The following EVL variants were observed in gnomAD, a reference collection of about 807,000 sequenced individuals.
EVL encodes ena/VASP-like protein.
Under a neutral mutation model 59.6 loss-of-function variants are expected in EVL, and 21 were observed. The ratio of observed to expected loss-of-function variants is 0.35; its 90% CI spans 0.25 to 0.51. EVL has a LOEUF of 0.51. Among genes scored for constraint, EVL ranks in the 20% least tolerant of loss-of-function variants. The probability of loss-of-function intolerance (pLI) is 0.97; values close to 1 mark genes in which losing one functional copy is unlikely to be tolerated. For synonymous variants in EVL, 198 were observed against 203.5 expected (o/e 0.97, Z 0.23); for missense variants, 462 against 546.6 (o/e 0.85, Z 1.54).
intron 1 of EVL, among the ~76,000 whole-genome samples, chr14:100,055,894 C>T (rs541498796): frequency 1.3e-5 from 2 of 152,274 alleles, no homozygotes; most frequent in African/African-American, 4.8e-5. Context: ...TCACCACAAC[C>T]TCTGCCTCCT....
chr14:100,017,988 G>A (rs908184260), intron 1 of EVL, among the ~76,000 whole-genome samples: 2 of 152,232 alleles, frequency 1.3e-5, no homozygotes, highest in Non-Finnish European at 2.9e-5. Context: ...TGCATGTACT[G>A]GATCACTCTT....
intron 1 of EVL, among the ~76,000 whole-genome samples, chr14:100,047,549 G>C (rs1400388959): frequency 6.6e-6 from 1 of 152,178 alleles, no homozygotes; most frequent in Non-Finnish European, 1.5e-5. Flanking sequence ...CCAGTTGTCA[G>C]ATGTTATGAT....
At chr14:100,128,835 C>T (rs536656592) in intron 6 of EVL, 87 bp downstream of exon 6, 15 of 1,183,872 alleles carry the variant, frequency 1.3e-5, no homozygotes, top group East Asian at 2.4e-5. Context: ...CCCGCATCTG[C>T]GAGACACAGC....
At chr14:100,128,984 T>C (rs1328083320) in intron 6 of EVL, among the ~76,000 whole-genome samples, 3 of 152,134 alleles carry the variant, frequency 2.0e-5, no homozygotes, top group Non-Finnish European at 4.4e-5. Flanking sequence ...AAGAACTATG[T>C]CCCCCTTTAG....
At chr14:100,094,395 C>T (rs907202834) in intron 2 of EVL, among the ~76,000 whole-genome samples, 6 of 152,090 alleles carry the variant, frequency 3.9e-5, no homozygotes, top group African/African-American at 1.4e-4. Flanking sequence ...AAGAAAAATT[C>T]TCACTCATCT....
intron 3 of EVL, among the ~76,000 whole-genome samples, chr14:100,115,611 C>T (rs1887291282): frequency 6.6e-6 from 1 of 152,216 alleles, no homozygotes; most frequent in South Asian, 2.1e-4. Flanking sequence ...CTATTGGTCA[C>T]CATGGAGCTG....
At chr14:99,979,041 A>C (rs978922245) in intron 1 of EVL, among the ~76,000 whole-genome samples, 1 of 151,806 alleles carries the variant, frequency 6.6e-6, no homozygotes, top group Non-Finnish European at 1.5e-5. Flanking sequence ...TTTCTAACAG[A>C]CTCTATGTAT....
chr14:100,054,049 C>CTTTTTTTTTTTTTTTTTT (rs11302582), intron 1 of EVL, among the ~76,000 whole-genome samples: 3 of 61,256 alleles, frequency 4.9e-5, no homozygotes, highest in African/African-American at 1.3e-4. Flanking sequence ...TATTTTTGGA[C>CTTTTTTTTTTTTTTTTTT]TTTTTTTTTT....
At chr14:100,002,680 AT>A (rs1467972399) in intron 1 of EVL, among the ~76,000 whole-genome samples, 1 of 152,238 alleles carries the variant, frequency 6.6e-6, no homozygotes, top group African/African-American at 2.4e-5. Flanking sequence ...AAAAGACATA[AT>A]TTATAACTTG....
chr14:100,008,085 G>T (rs901751429), intron 1 of EVL, among the ~76,000 whole-genome samples: 3 of 152,192 alleles, frequency 2.0e-5, no homozygotes. Context: ...ATCATCCCCA[G>T]TTGAGAACTG....
In EVL at chr14:100,116,999, A is replaced by G. The variant is rs796099370; in HGVS notation, c.359-6540A>G. On this transcript the variant is annotated intron_variant, in intron 3 of 13. Coordinates refer to ENST00000392920, the MANE Select transcript of EVL (RefSeq NM_016337.3). The stretch of plus-strand genomic sequence containing the variant: ...ACAATCCAGAACCGTCCAGGAGAGC[A>G]CAGCCAAGGCGGAAAGGGACTGGAA... 1.8e-4 allele frequency among the ~76,000 whole-genome samples: 28 copies of G among 152,320 alleles called. 1 individual carries two copies. Among genetic ancestry groups the G allele is most frequent in the African/African-American group, 5.8e-4 (24 of 41,572 alleles).
chr14:100,141,268 C>T (rs946722295), intron 12 of EVL, 22 bp downstream of exon 12: 2 of 1,612,498 alleles, frequency 1.2e-6, no homozygotes, highest in African/African-American at 2.7e-5. Flanking sequence ...CTGTGCCCTT[C>T]CCTCAAGAGG....
At chr14:100,045,880 A>G (rs993884430) in intron 1 of EVL, among the ~76,000 whole-genome samples, 6 of 152,176 alleles carry the variant, frequency 3.9e-5, no homozygotes, top group Non-Finnish European at 5.9e-5. Context: ...TGATGATTGT[A>G]AGTAGTCTTG....
intron 4 of EVL, among the ~76,000 whole-genome samples, chr14:100,126,351 C>A (rs905028716): frequency 6.6e-6 from 1 of 152,220 alleles, no homozygotes; most frequent in Non-Finnish European, 1.5e-5. Context: ...TAAGAACAGG[C>A]GTTCCTGAGG....
intron 1 of EVL, among the ~76,000 whole-genome samples, chr14:100,055,650 A>G (rs1595104363): frequency 1.3e-5 from 2 of 152,222 alleles, no homozygotes; most frequent in African/African-American, 4.8e-5. Context: ...GCTGAGGTGT[A>G]GAAGTCTGGT....
rs541316669 is a variant in EVL, at chr14:100,127,166, G to C, written c.487+395G>C. Among the ~76,000 whole-genome samples, 1 of 152,220 alleles carries C rather than the reference G, an allele frequency of 6.6e-6. No individual in the cohort carries two copies. The highest frequency in any genetic ancestry group is 2.4e-5 in the African/African-American group (1 of 41,460). On this transcript the variant is annotated intron_variant, in intron 5 of 13. Coordinates refer to ENST00000392920, the MANE Select transcript of EVL (RefSeq NM_016337.3). The surrounding 1 kb of genome is among the most constrained non-coding windows in gnomAD (Gnocchi z 4.2). ...CGTAGTGAACACTGTGGCAAGTGAC[G>C]TGCAGGTGCTGAAGGCCTACCTTGG...
At chr14:100,131,980 G>T (rs1888464032) in intron 7 of EVL, among the ~76,000 whole-genome samples, 1 of 152,100 alleles carries the variant, frequency 6.6e-6, no homozygotes, top group Admixed American at 6.6e-5. Context: ...TCACACCTCA[G>T]ACCAGCTCCA....
At chr14:99,979,056 A>G (rs1399580666) in intron 1 of EVL, among the ~76,000 whole-genome samples, 4 of 152,152 alleles carry the variant, frequency 2.6e-5, no homozygotes, top group African/African-American at 9.7e-5. Context: ...ATGTATTTTC[A>G]TATTTTCATT....
intron 1 of EVL, among the ~76,000 whole-genome samples, chr14:100,084,052 CTTT>C (rs548584469): frequency 1.5e-5 from 2 of 134,654 alleles, no homozygotes; most frequent in Non-Finnish European, 1.6e-5. Context: ...CTCTCTCTCT[CTTT>C]TTTTTTTTTT....
Sources: allele counts gnomAD v4.1 joint callset (sites outside exome capture counted in the v4.1 genomes callset), GRCh38; gene constraint gnomAD v4.1.1; non-coding constraint Gnocchi (gnomAD v3.1); transcripts MANE v1.5; gene names NCBI Gene and HGNC (gene_info 2026-07-23, HGNC 2026-07-21).